LAMA5: variants seen among roughly 807,000 people sequenced by gnomAD.
LAMA5 encodes the protein laminin subunit alpha 5, also known as laminin subunit alpha-5.
A neutral mutation model predicts 433.4 loss-of-function variants in LAMA5; 260 were observed. The ratio of observed to expected loss-of-function variants is 0.60; its 90% CI spans 0.54 to 0.66. LAMA5 has a LOEUF of 0.66. Ranked by LOEUF, LAMA5 falls within the 30% of genes least tolerant of loss-of-function variation. LAMA5 has a pLI of 0.00. For missense variants in LAMA5, 5,378 were observed against 5,258.5 expected, an observed-to-expected ratio of 1.02 and a Z score of -0.70; for synonymous variants, 2,620 against 2,226.6, an observed-to-expected ratio of 1.18 and a Z score of -4.97.
In LAMA5 at chr20:62,328,327, C is replaced by T; in HGVS notation, c.4566G>A (p.Leu1522=). 3 of 1,602,784 alleles carry T rather than the reference C, an allele frequency of 1.9e-6. No homozygotes were observed. Among genetic ancestry groups the T allele is most frequent in the Non-Finnish European group, 2.6e-6 (3 of 1,175,384 alleles). The change falls in exon 35 of 80, where the codon CTG becomes CTA. Residue 1522 remains leucine, a synonymous_variant. Coordinates refer to ENST00000252999, the MANE Select transcript of LAMA5 (RefSeq NM_005560.6). ...AGCAGTTACACTCCTCACAGCCGACCAGGGGGTGGCAGCCAAAGGTCTGGG... is the reference window on the plus strand; with the variant it reads ...AGCAGTTACACTCCTCACAGCCGACTAGGGGGTGGCAGCCAAAGGTCTGGG... ...CQPQTFGCHP[L]VGCEECNCSG...
At chr20:62,362,205 CACAA>C (rs1986203194) in intron 2 of LAMA5, among the ~76,000 whole-genome samples, 191 bp downstream of exon 2, 1 of 152,384 alleles carries the variant, frequency 6.6e-6, no homozygotes, top group African/African-American at 2.4e-5. Context: ...ACGCTGAAAG[CACAA>C]ACAAAAGGTG....
rs766010815 is a variant in LAMA5, at chr20:62,312,437, G to A, written c.9323C>T (p.Thr3108Met). 3.1e-5 allele frequency: 50 copies of A among 1,597,880 alleles called. No individual in the cohort carries two copies. The highest frequency in any genetic ancestry group is 1.6e-4 in the Middle Eastern group (1 of 6,078). Residue 3108 changes from threonine to methionine, a missense_variant, in exon 68 of 80, where the codon ACG becomes ATG. Physicochemically the swap from Thr to Met is moderately conservative, Grantham distance 81. Coordinates refer to ENST00000252999, the MANE Select transcript of LAMA5 (RefSeq NM_005560.6). ...GGTGCAGCCGGCGCTCACGCCTGTC[G>A]TGTTCAGCCGCTTGAGGTCCACATA... ...GKYVDLKRLN[T>M]TGVSAGCTAD...
chr20:62,326,028 C>G (rs1979222444), intron 40 of LAMA5, among the ~76,000 whole-genome samples: 1 of 152,012 alleles, frequency 6.6e-6, no homozygotes, highest in Non-Finnish European at 1.5e-5. Flanking sequence ...CGAGACCAGC[C>G]TGGCCAACAC....
intron 22 of LAMA5, 31 bp from the exon 23 acceptor site, chr20:62,334,070 C>T: frequency 6.2e-7 from 1 of 1,600,090 alleles, no homozygotes; most frequent in South Asian, 1.1e-5. Flanking sequence ...GGGTCACTCT[C>T]CCTGACCACT....
intron 1 of LAMA5, among the ~76,000 whole-genome samples, chr20:62,363,430 G>A (rs1381519530): frequency 3.9e-5 from 6 of 152,158 alleles, no homozygotes; most frequent in African/African-American, 1.4e-4. Flanking sequence ...CTTCTGTCCC[G>A]GGCCTGCCAT....
intron 40 of LAMA5, 131 bp from the exon 41 acceptor site, chr20:62,325,677 G>A: frequency 1.7e-6 from 1 of 595,372 alleles, no homozygotes; most frequent in South Asian, 2.4e-5. Flanking sequence ...GGTACACACA[G>A]GTAGAAAAAC....
chr20:62,327,009 C>T (rs1235189227), intron 38 of LAMA5, 43 bp from the exon 39 acceptor site: 18 of 1,443,576 alleles, frequency 1.2e-5, no homozygotes, highest in Non-Finnish European at 1.6e-5. Context: ...AGACTCTGGC[C>T]ACAGGCTCAG....
At chr20:62,339,231 C>CTTTTTTT (rs151158845) in intron 11 of LAMA5, among the ~76,000 whole-genome samples, 1 of 55,960 alleles carries the variant, frequency 1.8e-5, no homozygotes, top group African/African-American at 6.0e-5. Context: ...ATTATAGTTT[C>CTTTTTTT]TTTTTTTTTT....
Position 62,311,292 on chromosome 20 carries a change from G to T in LAMA5, c.9958C>A (p.Arg3320Ser). The change falls in exon 73 of 80, where the codon CGT (arginine) becomes AGT (serine). Residue 3320 changes from arginine to serine, a missense_variant. Physicochemically the swap from Arg to Ser is moderately radical, Grantham distance 110. Transcript: ENST00000252999. Reference sequence around the variant, plus strand: ...CAGGCAGGATGCCGGGCGGGCTGACGGCTGCGGCGGGAGGCCTGGGGGCGT... The same window carrying T: ...CAGGCAGGATGCCGGGCGGGCTGACTGCTGCGGCGGGAGGCCTGGGGGCGT... ...ATARKASRRS[R>S]QPARHPACML... is the part of the protein sequence containing the mutation. The T allele has an allele frequency of 6.3e-7, 1 of 1,585,660 alleles. No homozygotes were observed. The highest frequency in any genetic ancestry group is 1.1e-5 in the South Asian group (1 of 87,400).
chr20:62,343,867 A>T lies in LAMA5; in HGVS notation c.1477+1951T>A, dbSNP rs184044658. Among the ~76,000 whole-genome samples the T allele has an allele frequency of 5.1e-4, 78 of 151,666 alleles. 1 individual carries two copies. Among genetic ancestry groups the T allele is most frequent in the African/African-American group, 1.7e-3 (71 of 41,406 alleles). On this transcript the variant is annotated intron_variant, in intron 11 of 79. Transcript: ENST00000252999. Reference sequence around the variant, plus strand: ...GCTAAAAATGACACAATATCGTGCCAGGCATGGTGGTTCATGCCTGTAATC... The same window carrying T: ...GCTAAAAATGACACAATATCGTGCCTGGCATGGTGGTTCATGCCTGTAATC...
chr20:62,362,797 A>T (rs1426276460), intron 1 of LAMA5, among the ~76,000 whole-genome samples: 2 of 142,620 alleles, frequency 1.4e-5, no homozygotes, highest in Non-Finnish European at 3.0e-5. Flanking sequence ...CAGGGTGGAG[A>T]GGGGCATCTG....
Position 62,328,954 on chromosome 20 carries a change from G to A in LAMA5, c.4337C>T (p.Thr1446Ile), listed in dbSNP as rs1464359423. The change falls in exon 34 of 80, where the codon ACA becomes ATA. Residue 1446 changes from threonine to isoleucine, a missense_variant. Coordinates refer to ENST00000252999, the MANE Select transcript of LAMA5 (RefSeq NM_005560.6). Reference sequence around the variant, plus strand: ...CCCGAAGGGCTCACACGTGGGGCCTGTAGCACCTACTTCGTGGCAGCCACA... The same window carrying A: ...CCCGAAGGGCTCACACGTGGGGCCTATAGCACCTACTTCGTGGCAGCCACA... ...RPCGCHEVGA[T>I]GPTCEPFGGQ... The A allele has an allele frequency of 3.1e-6, 5 of 1,612,302 alleles. No individual in the cohort carries two copies. Among genetic ancestry groups the A allele is most frequent in the Non-Finnish European group, 4.2e-6 (5 of 1,179,692 alleles).
intron 6 of LAMA5, among the ~76,000 whole-genome samples, chr20:62,347,422 G>A (rs1178902689): frequency 6.6e-6 from 1 of 152,140 alleles, no homozygotes; most frequent in Non-Finnish European, 1.5e-5. Flanking sequence ...CCAAAACTGA[G>A]TTATGCCCTT....
At position 62,311,155 on chromosome 20, in the gene LAMA5, G is replaced by A. The variant is rs1487278315; in HGVS notation, c.10088+7C>T. On this transcript the variant is annotated splice_region_variant and intron_variant, in intron 73 of 79. Coordinates refer to ENST00000252999, the MANE Select transcript of LAMA5 (RefSeq NM_005560.6). ...TCTCAGCCCACCCCAGCCGGGCCTG[G>A]CCTTACCAGTTCCTATGTCGGGCCA... 4 of 1,586,790 alleles carry A rather than the reference G, an allele frequency of 2.5e-6. No individual in the cohort carries two copies. Among genetic ancestry groups the A allele is most frequent in the Non-Finnish European group, 3.4e-6 (4 of 1,168,578 alleles).
intron 61 of LAMA5, 49 bp from the exon 62 acceptor site, chr20:62,314,489 A>T (rs759896617): frequency 4.3e-6 from 7 of 1,610,568 alleles, no homozygotes; most frequent in Non-Finnish European, 5.9e-6. Flanking sequence ...GGGACCAGGG[A>T]CCAGGCACCG....
intron 73 of LAMA5, 27 bp from the exon 74 acceptor site, chr20:62,311,121 C>T (rs768695494): frequency 1.2e-5 from 18 of 1,562,530 alleles, no homozygotes; most frequent in Middle Eastern, 1.7e-4. Flanking sequence ...CGTCAGCCTG[C>T]GCGGCCCCTC....
intron 11 of LAMA5, among the ~76,000 whole-genome samples, chr20:62,343,774 C>CTCAAAAAAAAAAAAA (rs1982946937): frequency 4.9e-5 from 3 of 61,368 alleles, no homozygotes; most frequent in African/African-American, 1.5e-4. Flanking sequence ...GAAACTCCAT[C>CTCAAAAAAAAAAAAA]AAAAAAAAAA....
intron 11 of LAMA5, among the ~76,000 whole-genome samples, chr20:62,339,607 G>C (rs562263873): frequency 1.6e-5 from 1 of 63,232 alleles, no homozygotes; most frequent in African/African-American, 3.1e-5. Flanking sequence ...AGGGTTGTGA[G>C]CACGCTTCAG....
intron 74 of LAMA5, 21 bp from the exon 75 acceptor site, chr20:62,310,850 A>AG: frequency 8.2e-6 from 13 of 1,588,508 alleles, no homozygotes; most frequent in Non-Finnish European, 1.1e-5. Context: ...GAGATGGGTC[A>AG]GGGTAGGGCT....
Sources: allele counts gnomAD v4.1 joint callset (sites outside exome capture counted in the v4.1 genomes callset), GRCh38; gene constraint gnomAD v4.1.1; transcripts MANE v1.5; gene names NCBI Gene and HGNC (gene_info 2026-07-23, HGNC 2026-07-21).